Variants in NRXN3 observed in about 807,000 individuals in gnomAD.
The protein encoded by NRXN3 is neurexin III.
A neutral mutation model predicts 137.6 loss-of-function variants in NRXN3; 32 were observed. The ratio of observed to expected loss-of-function variants is 0.23; its 90% CI spans 0.18 to 0.31. The LOEUF (loss-of-function observed/expected upper bound fraction) is 0.31. Ranked by LOEUF, NRXN3 falls within the 10% of genes least tolerant of loss-of-function variation. NRXN3 has a pLI of 1.00. For missense variants in NRXN3, 1,574 were observed against 2,062.5 expected, an observed-to-expected ratio of 0.76 and a Z score of 4.59; for synonymous variants, 798 against 784.5, an observed-to-expected ratio of 1.02 and a Z score of -0.29.
At chr14:79,034,965 T>A (rs890721278) in intron 15 of NRXN3, among the ~76,000 whole-genome samples, 1 of 152,122 alleles carries the variant, frequency 6.6e-6, no homozygotes, top group Non-Finnish European at 1.5e-5. Flanking sequence ...AACTTTTTAC[T>A]GATGCCATGT....
At chr14:79,628,610 C>A (rs749011365) in intron 16 of NRXN3, among the ~76,000 whole-genome samples, 1 of 152,056 alleles carries the variant, frequency 6.6e-6, no homozygotes, top group Non-Finnish European at 1.5e-5. Context: ...TTCAGAAGCT[C>A]GAGAATACCT....
intron 4 of NRXN3, among the ~76,000 whole-genome samples, chr14:78,619,137 G>C (rs1036720840): frequency 6.6e-6 from 1 of 152,162 alleles, no homozygotes; most frequent in Non-Finnish European, 1.5e-5. Context: ...TCTCCACAGA[G>C]CTCCTCCTCT....
chr14:78,744,186 G>A (rs12894769), intron 8 of NRXN3, among the ~76,000 whole-genome samples: 3,398 of 152,276 alleles, frequency 0.022, 52 homozygotes, highest in Non-Finnish European at 0.032. Context: ...CTGCCACCTA[G>A]GCTGGAGTGC....
intron 8 of NRXN3, among the ~76,000 whole-genome samples, chr14:78,778,769 T>C (rs1290648302): frequency 5.4e-4 from 36 of 66,246 alleles, no homozygotes; most frequent in African/African-American, 2.2e-3. Context: ...TCTTTCTTTC[T>C]TTCTTTCTTT....
chr14:79,506,885 A>G (rs559362314), intron 16 of NRXN3, among the ~76,000 whole-genome samples: 1 of 152,308 alleles, frequency 6.6e-6, no homozygotes, highest in South Asian at 2.1e-4. Context: ...TGAGAGAATC[A>G]GAGCTGCTTA....
chr14:78,571,804 A>G (rs2096892396), intron 4 of NRXN3, among the ~76,000 whole-genome samples: 1 of 152,188 alleles, frequency 6.6e-6, no homozygotes, highest in African/African-American at 2.4e-5. Context: ...CAGGGAATCT[A>G]CCGTAGGTTC....
At chr14:78,190,893 C>T (rs965831514) in intron 1 of NRXN3, among the ~76,000 whole-genome samples, 4 of 151,906 alleles carry the variant, frequency 2.6e-5, no homozygotes, top group African/African-American at 4.8e-5. Flanking sequence ...AGGCTAGTCT[C>T]GGATGCCTGG....
chr14:79,096,248 CA>C (rs1380942277), intron 15 of NRXN3, among the ~76,000 whole-genome samples: 1 of 151,958 alleles, frequency 6.6e-6, no homozygotes, highest in Admixed American at 6.6e-5. Context: ...GCTGGGATTA[CA>C]GGCACATGCT....
In NRXN3 at chr14:78,966,275, G is replaced by C; in HGVS notation, c.2646G>C (p.Leu882=). 1 of 1,614,152 alleles carries C rather than the reference G, an allele frequency of 6.2e-7. No individual in the cohort carries two copies. Among genetic ancestry groups the C allele is most frequent in the African/African-American group, 1.3e-5 (1 of 75,046 alleles). Residue 882 remains leucine, a synonymous_variant, in exon 12 of 21, where the codon CTG becomes CTC. Transcript: ENST00000335750. ...CCTTTAAGACCAAGAGCAGCTACCT[G>C]AGCCTTGCCACTCTTCAGGCTTACA... ...PVTFKTKSSY[L]SLATLQAYTS... is the part of the protein sequence containing the mutation.
chr14:79,405,656 G>A (rs751961556), intron 15 of NRXN3, among the ~76,000 whole-genome samples: 3 of 152,102 alleles, frequency 2.0e-5, no homozygotes, highest in East Asian at 1.9e-4. Flanking sequence ...TGGATCTCCC[G>A]ACTCCCTAGA....
At chr14:79,472,230 T>G (rs997718442) in intron 16 of NRXN3, among the ~76,000 whole-genome samples, 7 of 152,212 alleles carry the variant, frequency 4.6e-5, no homozygotes, top group Non-Finnish European at 8.8e-5. Context: ...GCTCAGATTG[T>G]CTTTCATTCT....
At chr14:79,359,703 T>C (rs1393046285) in intron 15 of NRXN3, among the ~76,000 whole-genome samples, 2 of 151,790 alleles carry the variant, frequency 1.3e-5, no homozygotes, top group African/African-American at 4.8e-5. Context: ...CCCAAGTAGC[T>C]GGGATTACCG....
At chr14:78,214,021 C>T (rs2063006464) in intron 1 of NRXN3, among the ~76,000 whole-genome samples, 2 of 152,286 alleles carry the variant, frequency 1.3e-5, no homozygotes, top group South Asian at 4.2e-4. Flanking sequence ...GTGTCTGTTC[C>T]TGTGGTCTCT....
chr14:78,709,658 A>T lies in NRXN3; in HGVS notation c.1660+3A>T, dbSNP rs1015494910. 5.6e-6 allele frequency: 9 copies of T among 1,605,618 alleles called. No homozygotes were observed. The African/African-American group carries it at 8.0e-5, about 14-fold the overall frequency. ...CATTCAGCGAGATGGCAGATCAGGT[A>T]GGAAGAGGCAGGATGTGTGACTGAG... is the stretch of plus-strand genomic sequence containing the variant. On this transcript the variant is annotated splice_donor_region_variant and intron_variant, in intron 7 of 20. Transcript: ENST00000335750.
At chr14:78,887,821 G>A (rs955604891) in intron 10 of NRXN3, among the ~76,000 whole-genome samples, 3 of 152,018 alleles carry the variant, frequency 2.0e-5, no homozygotes, top group African/African-American at 7.2e-5. Context: ...CATGGGTGAC[G>A]ATAAGCAGCA....
intron 15 of NRXN3, among the ~76,000 whole-genome samples, chr14:79,130,673 C>T (rs533897729): frequency 1.8e-4 from 27 of 152,192 alleles, no homozygotes; most frequent in Non-Finnish European, 3.5e-4. Flanking sequence ...TTGCTCTTCT[C>T]GAGGAGTACC....
chr14:78,323,039 G>C (rs1258882568), intron 4 of NRXN3, among the ~76,000 whole-genome samples: 1 of 151,990 alleles, frequency 6.6e-6, no homozygotes, highest in Non-Finnish European at 1.5e-5. Context: ...ACAAATAAAG[G>C]CTTGATGTTA....
intron 6 of NRXN3, among the ~76,000 whole-genome samples, chr14:78,657,002 G>C (rs10141635): frequency 0.04 from 4,965 of 123,950 alleles, 284 homozygotes; most frequent in African/African-American, 0.15. Context: ...AGCCGAGATC[G>C]CACCACTGCA....
intron 15 of NRXN3, among the ~76,000 whole-genome samples, chr14:79,390,030 A>T (rs2094788043): frequency 6.6e-6 from 1 of 152,210 alleles, no homozygotes; most frequent in Non-Finnish European, 1.5e-5. Context: ...AATCTACATG[A>T]ATTAGGTCCA....
Sources: allele counts gnomAD v4.1 joint callset (sites outside exome capture counted in the v4.1 genomes callset), GRCh38; gene constraint gnomAD v4.1.1; transcripts MANE v1.5; gene names NCBI Gene and HGNC (gene_info 2026-07-23, HGNC 2026-07-21).